The following NAA15 variants were observed in gnomAD, a reference collection of about 807,000 sequenced individuals.
NAA15 encodes the protein N-alpha-acetyltransferase 15, NatA auxiliary subunit.
A neutral mutation model predicts 114.0 loss-of-function variants in NAA15; 34 were observed. The ratio of observed to expected loss-of-function variants is 0.30; its 90% CI spans 0.23 to 0.40. The LOEUF (loss-of-function observed/expected upper bound fraction) is 0.40, where lower values mean the gene tolerates loss of function less well. Ranked by LOEUF, NAA15 falls within the 10% of genes least tolerant of loss-of-function variation. NAA15 has a pLI of 1.00. For synonymous variants in NAA15, 340 were observed against 338.0 expected, an observed-to-expected ratio of 1.01 and a Z score of -0.06; for missense variants, 658 against 1,004.5, an observed-to-expected ratio of 0.66 and a Z score of 4.66.
intron 1 of NAA15, among the ~76,000 whole-genome samples, chr4:139,312,768 C>CCTAGT (rs1250600724): frequency 6.6e-6 from 1 of 151,484 alleles, no homozygotes; most frequent in African/African-American, 2.4e-5. Flanking sequence ...ACCGCTTGAG[C>CCTAGT]CTAGGAGTTC....
At position 139,384,904 on chromosome 4, in the gene NAA15, G is replaced by T; in HGVS notation, c.2228G>T (p.Gly743Val). 6.4e-7 allele frequency: 1 copy of T among 1,559,244 alleles called. No individual in the cohort carries two copies. The highest frequency in any genetic ancestry group is 1.2e-5 in the South Asian group (1 of 80,220). ...VLKQEMNRLF[G>V]ATNPKNFNET... ...AAACAAGAAATGAATCGTCTTTTTG[G>T]AGCAACGAATCCAAAGAATTTTAAT... Residue 743 changes from glycine to valine, a missense_variant, in exon 18 of 20, where the codon GGA becomes GTA. Physicochemically the swap from Gly to Val is moderately radical, Grantham distance 109. Coordinates refer to ENST00000296543, the MANE Select transcript of NAA15 (RefSeq NM_057175.5).
chr4:139,360,295 TCA>T (rs1211286078), intron 12 of NAA15, among the ~76,000 whole-genome samples: 3 of 152,274 alleles, frequency 2.0e-5, no homozygotes, highest in South Asian at 2.1e-4. Flanking sequence ...TTCAAAAGTT[TCA>T]CAGTTTCACC....
chr4:139,330,635 A>G (rs1319781848), intron 1 of NAA15, among the ~76,000 whole-genome samples: 1 of 152,216 alleles, frequency 6.6e-6, no homozygotes, highest in African/African-American at 2.4e-5. Context: ...CTCTATCTTC[A>G]GGATGGTGAA....
chr4:139,346,670 C>T (rs929230353), intron 6 of NAA15, among the ~76,000 whole-genome samples: 14 of 152,040 alleles, frequency 9.2e-5, no homozygotes, highest in Non-Finnish European at 1.8e-4. Context: ...GCCTCAGCCT[C>T]CCGAGTAGTG....
At position 139,391,157 on chromosome 4, in the gene NAA15, G is replaced by A. The variant is rs993224603; in HGVS notation, c.*3073G>A. ...AAGACTGACCTTTCAAATAGAAGGCGGTCTTTCTATTCTAGCTAATGCCCC... is the reference window on the plus strand; with the variant it reads ...AAGACTGACCTTTCAAATAGAAGGCAGTCTTTCTATTCTAGCTAATGCCCC... On this transcript the variant is annotated 3_prime_UTR_variant, in exon 20 of 20. Transcript: ENST00000296543. 2.0e-5 allele frequency: 3 copies of A among 152,048 alleles called. No individual in the cohort carries two copies. Among genetic ancestry groups the A allele is most frequent in the African/African-American group, 4.8e-5 (2 of 41,386 alleles). 9.4% of individuals were successfully genotyped at this position (152,048 alleles called of 1,614,324 possible).
intron 3 of NAA15, among the ~76,000 whole-genome samples, chr4:139,337,715 G>A (rs1747244654): frequency 6.6e-6 from 1 of 152,150 alleles, no homozygotes; most frequent in Admixed American, 6.6e-5. Flanking sequence ...GAAACAATTA[G>A]CAATTTTTCA....
chr4:139,304,974 A>C (rs1745961501), intron 1 of NAA15, among the ~76,000 whole-genome samples: 1 of 151,858 alleles, frequency 6.6e-6, no homozygotes, highest in South Asian at 2.1e-4. Flanking sequence ...GTGGCTATTT[A>C]TAGGCTCTAT....
intron 9 of NAA15, among the ~76,000 whole-genome samples, chr4:139,353,813 A>G (rs866193263): frequency 2.0e-5 from 3 of 152,210 alleles, no homozygotes; most frequent in South Asian, 2.1e-4. Flanking sequence ...GGAGTAACCA[A>G]TAAGTTTTTA....
At chr4:139,386,000 A>G (rs1432071510) in intron 18 of NAA15, 133 bp from the exon 19 acceptor site, 1 of 521,300 alleles carries the variant, frequency 1.9e-6, no homozygotes. Flanking sequence ...TATCTCAAGT[A>G]GCTGTTCCCA....
At chr4:139,377,126 T>C (rs984232241) in intron 16 of NAA15, among the ~76,000 whole-genome samples, 5 of 152,216 alleles carry the variant, frequency 3.3e-5, no homozygotes, top group Non-Finnish European at 7.3e-5. Flanking sequence ...AGGTGATGCA[T>C]ATTAAAGGAA....
chr4:139,352,174 C>T (rs1747799828), intron 9 of NAA15, among the ~76,000 whole-genome samples: 1 of 151,746 alleles, frequency 6.6e-6, no homozygotes, highest in Non-Finnish European at 1.5e-5. Context: ...AGTGGCATGA[C>T]CTCAGCTCAC....
At chr4:139,347,048 C>T (rs1205485572) in intron 6 of NAA15, among the ~76,000 whole-genome samples, 1 of 151,786 alleles carries the variant, frequency 6.6e-6, no homozygotes, top group African/African-American at 2.4e-5. Context: ...CCTCCCACTA[C>T]AGGTGCGAAC....
intron 1 of NAA15, among the ~76,000 whole-genome samples, chr4:139,327,357 C>G (rs1269011796): frequency 6.6e-6 from 1 of 152,184 alleles, no homozygotes; most frequent in Non-Finnish European, 1.5e-5. Context: ...TCAAGTGATT[C>G]TCATGCCTCA....
intron 1 of NAA15, among the ~76,000 whole-genome samples, chr4:139,333,137 A>G (rs1196304302): frequency 2.7e-5 from 4 of 147,750 alleles, no homozygotes; most frequent in African/African-American, 9.7e-5. Context: ...AGAAAAGTGT[A>G]AGTTTGTATA....
chr4:139,368,483 T>A (rs1239547977), intron 14 of NAA15, among the ~76,000 whole-genome samples: 1 of 152,206 alleles, frequency 6.6e-6, no homozygotes, highest in East Asian at 1.9e-4. Context: ...AGGATCTCCT[T>A]CCATGATGGC....
chr4:139,332,089 C>T (rs1236951344), intron 1 of NAA15, among the ~76,000 whole-genome samples: 1 of 152,142 alleles, frequency 6.6e-6, no homozygotes, highest in Non-Finnish European at 1.5e-5. Context: ...TGGCTGTTCT[C>T]TAGTTCTTTT....
At chr4:139,360,770 T>C in intron 13 of NAA15, 142 bp downstream of exon 13, 1 of 675,124 alleles carries the variant, frequency 1.5e-6, no homozygotes, top group East Asian at 3.4e-5. Flanking sequence ...TCAGTTTTCA[T>C]ACTGGAAATA....
intron 17 of NAA15, 23 bp from the exon 18 acceptor site, chr4:139,384,808 AG>A (rs1308612911): frequency 4.4e-6 from 6 of 1,349,808 alleles, no homozygotes; most frequent in African/African-American, 1.5e-5. Context: ...TCAACTGCTA[AG>A]ATTTTATTTT....
chr4:139,358,196 T>TG (rs200288221), intron 11 of NAA15, among the ~76,000 whole-genome samples: 22 of 151,504 alleles, frequency 1.5e-4, no homozygotes, highest in South Asian at 6.3e-4. Flanking sequence ...TTTTTGTTTT[T>TG]TTTTTTTTGA....
Sources: gnomAD v4.1 joint callset for allele counts (sites outside exome capture counted in the v4.1 genomes callset) on GRCh38, gnomAD v4.1.1 for gene constraint, MANE v1.5 for transcripts, NCBI Gene and HGNC (gene_info 2026-07-23, HGNC 2026-07-21) for gene names.